Variants in DENND1A observed in about 807,000 individuals in gnomAD.
The protein encoded by DENND1A is DENN domain containing 1A.
Under a neutral mutation model 113.7 loss-of-function variants are expected in DENND1A, and 51 were observed. The observed-to-expected ratio is 0.45, with a 90% CI of 0.36 to 0.57. DENND1A has a LOEUF of 0.57. Ranked by LOEUF, DENND1A falls within the 20% of genes least tolerant of loss-of-function variation. The probability of loss-of-function intolerance (pLI) is 0.00; values close to 1 mark genes in which losing one functional copy is unlikely to be tolerated. For synonymous variants in DENND1A, 565 were observed against 570.8 expected (o/e 0.99, Z 0.14); for missense variants, 1,258 against 1,395.9 (o/e 0.90, Z 1.57).
At chr9:123,439,153 T>C (rs978373325) in intron 19 of DENND1A, among the ~76,000 whole-genome samples, 2 of 152,234 alleles carry the variant, frequency 1.3e-5, no homozygotes, top group Non-Finnish European at 2.9e-5. Context: ...GGGAGGCAGC[T>C]CTTCAGGGGA....
At chr9:123,860,042 G>C (rs891085559) in intron 2 of DENND1A, among the ~76,000 whole-genome samples, 5 of 152,180 alleles carry the variant, frequency 3.3e-5, no homozygotes, top group African/African-American at 1.2e-4. Context: ...GTGAAGGAAA[G>C]CATAAAGGCC....
At chr9:123,454,849 CTTT>C (rs764248245) in intron 15 of DENND1A, 70 bp from the exon 16 acceptor site, 3,298 of 1,008,878 alleles carry the variant, frequency 3.3e-3, no homozygotes, top group Non-Finnish European at 3.5e-3. Context: ...CTTAAAATTG[CTTT>C]TTTTTTTTTT....
At chr9:123,629,485 C>T (rs900185773) in intron 10 of DENND1A, among the ~76,000 whole-genome samples, 13 of 152,204 alleles carry the variant, frequency 8.5e-5, no homozygotes, top group Non-Finnish European at 1.6e-4. Flanking sequence ...GATGTGTCTG[C>T]GGAAACATTT....
chr9:123,811,878 T>C (rs1464186294), intron 2 of DENND1A, among the ~76,000 whole-genome samples: 1 of 152,208 alleles, frequency 6.6e-6, no homozygotes, highest in Non-Finnish European at 1.5e-5. Context: ...TTTTAATAAT[T>C]TGTAATTGGA....
chr9:123,714,422 T>G (rs1451095854), intron 5 of DENND1A, among the ~76,000 whole-genome samples: 1 of 151,394 alleles, frequency 6.6e-6, no homozygotes, highest in African/African-American at 2.4e-5. Flanking sequence ...GCCAACATGG[T>G]GAAACCCCAT....
At chr9:123,752,385 GAA>G (rs537499552) in intron 5 of DENND1A, among the ~76,000 whole-genome samples, 6 of 152,232 alleles carry the variant, frequency 3.9e-5, no homozygotes, top group Admixed American at 6.5e-5. Flanking sequence ...GCATCTTGAG[GAA>G]AAAAGTTTTT....
chr9:123,600,284 C>T (rs1186070239), intron 11 of DENND1A, among the ~76,000 whole-genome samples: 1 of 152,068 alleles, frequency 6.6e-6, no homozygotes. Context: ...TAATCACTTC[C>T]ATTTATTTGG....
chr9:123,586,413 G>T (rs1029115891), intron 11 of DENND1A, among the ~76,000 whole-genome samples: 4 of 152,214 alleles, frequency 2.6e-5, no homozygotes, highest in African/African-American at 4.8e-5. Flanking sequence ...TGCCGGTTAA[G>T]CTCTGTGGAG....
chr9:123,496,995 C>T (rs2051986132), intron 13 of DENND1A, among the ~76,000 whole-genome samples: 1 of 152,170 alleles, frequency 6.6e-6, no homozygotes, highest in Admixed American at 6.5e-5. Context: ...TGGTATGTTC[C>T]AGCCACACAA....
intron 13 of DENND1A, among the ~76,000 whole-genome samples, chr9:123,466,001 T>A (rs1438306565): frequency 6.6e-6 from 1 of 150,968 alleles, no homozygotes; most frequent in African/African-American, 2.4e-5. Context: ...TTTCTTTTTT[T>A]CTTTTTTAAT....
intron 13 of DENND1A, among the ~76,000 whole-genome samples, chr9:123,465,125 G>C (rs2048836058): frequency 6.6e-6 from 1 of 150,848 alleles, no homozygotes; most frequent in African/African-American, 2.4e-5. Flanking sequence ...AGGTTGCAGT[G>C]AGCCAACATT....
intron 5 of DENND1A, among the ~76,000 whole-genome samples, chr9:123,743,115 C>G (rs553520994): frequency 1.3e-5 from 2 of 152,114 alleles, no homozygotes; most frequent in Non-Finnish European, 2.9e-5. Context: ...AAAAAAAAAT[C>G]TCTCCTGAGC....
chr9:123,476,913 G>A (rs2049962718), intron 13 of DENND1A, among the ~76,000 whole-genome samples: 1 of 152,200 alleles, frequency 6.6e-6, no homozygotes, highest in East Asian at 1.9e-4. Flanking sequence ...GGTAGCATAA[G>A]AGGGCGGTGG....
intron 19 of DENND1A, among the ~76,000 whole-genome samples, chr9:123,426,419 T>C (rs1410272920): frequency 2.0e-5 from 3 of 152,162 alleles, no homozygotes; most frequent in South Asian, 2.1e-4. Context: ...TAAGACATTC[T>C]AGTAGCTGAA....
chr9:123,792,494 A>T, intron 3 of DENND1A, 93 bp downstream of exon 3: 1 of 1,343,896 alleles, frequency 7.4e-7, no homozygotes, highest in Non-Finnish European at 1.0e-6. Flanking sequence ...CTAAAAATTC[A>T]TTTATCTCTT....
At chr9:123,538,849 TATATATATATG>T (rs2056046759) in intron 13 of DENND1A, among the ~76,000 whole-genome samples, 1 of 117,200 alleles carries the variant, frequency 8.5e-6, no homozygotes, top group Non-Finnish European at 1.8e-5. Flanking sequence ...TATATATATA[TATATATATATG>T]AATTCATACA....
At chr9:123,497,503 T>C in intron 13 of DENND1A, among the ~76,000 whole-genome samples, 1 of 152,114 alleles carries the variant, frequency 6.6e-6, no homozygotes, top group East Asian at 1.9e-4. Flanking sequence ...TTTTAATTTT[T>C]ATAGAGATGG....
chr9:123,474,698 G>A lies in DENND1A; in HGVS notation c.994-16801C>T, dbSNP rs1254925685. On this transcript the variant is annotated intron_variant, in intron 13 of 23. Coordinates refer to ENST00000394215, the MANE Select transcript of DENND1A (RefSeq NM_001352964.2). ...AGCAAGTGACTTCAAACTCTCTAGAGCCTTGGTTTCTTCCTCTGTAAAATG... is the reference window on the plus strand; with the variant it reads ...AGCAAGTGACTTCAAACTCTCTAGAACCTTGGTTTCTTCCTCTGTAAAATG... Among the ~76,000 whole-genome samples the A allele has an allele frequency of 5.9e-5, 9 of 152,198 alleles. No homozygotes were observed. In the East Asian group the frequency reaches 1.7e-3, roughly 29 times the overall value.
chr9:123,417,667 C>T (rs2044848857), intron 19 of DENND1A, among the ~76,000 whole-genome samples: 1 of 152,240 alleles, frequency 6.6e-6, no homozygotes, highest in South Asian at 2.1e-4. Context: ...ATCTGTGCCT[C>T]AGAGAAAAGG....
Sources: allele counts gnomAD v4.1 joint callset (sites outside exome capture counted in the v4.1 genomes callset), GRCh38; gene constraint gnomAD v4.1.1; transcripts MANE v1.5; gene names NCBI Gene and HGNC (gene_info 2026-07-23, HGNC 2026-07-21).